MAGI2: variants seen among roughly 807,000 people sequenced by gnomAD.
MAGI2 encodes membrane-associated guanylate kinase, WW and PDZ domain-containing protein 2.
A neutral mutation model predicts 133.3 loss-of-function variants in MAGI2; 35 were observed. That is an observed-to-expected ratio of 0.26 (90% CI 0.20 to 0.35). The LOEUF (loss-of-function observed/expected upper bound fraction) is 0.35, where lower values mean the gene tolerates loss of function less well. Among genes scored for constraint, MAGI2 ranks in the 10% least tolerant of loss-of-function variants. The pLI is 1.00. For missense variants in MAGI2, 1,636 were observed against 1,863.4 expected (o/e 0.88, Z 2.25); for synonymous variants, 729 against 710.6 (o/e 1.03, Z -0.41).
At chr7:78,703,503 C>T (rs1218924072) in intron 2 of MAGI2, among the ~76,000 whole-genome samples, 2 of 152,002 alleles carry the variant, frequency 1.3e-5, no homozygotes, top group South Asian at 4.1e-4. Flanking sequence ...TGAATGGATA[C>T]AGATACAGTT....
chr7:79,051,380 G>A (rs1314893795), intron 1 of MAGI2, among the ~76,000 whole-genome samples: 1 of 152,078 alleles, frequency 6.6e-6, no homozygotes, highest in Non-Finnish European at 1.5e-5. Flanking sequence ...ATGTGCTCCT[G>A]GTGGCCTTTG....
intron 6 of MAGI2, among the ~76,000 whole-genome samples, chr7:78,391,415 G>C (rs35094689): frequency 0.13 from 20,501 of 152,138 alleles, 1,718 homozygotes; most frequent in South Asian, 0.22. Flanking sequence ...AGGAAATATG[G>C]ATATATTTGG....
intron 2 of MAGI2, among the ~76,000 whole-genome samples, chr7:78,636,579 G>C (rs1187011258): frequency 6.6e-6 from 1 of 151,872 alleles, no homozygotes; most frequent in African/African-American, 2.4e-5. Context: ...TGGGCGGATC[G>C]AGAGGTCAGG....
chr7:78,804,279 C>T (rs1464168541), intron 2 of MAGI2, among the ~76,000 whole-genome samples: 1 of 151,994 alleles, frequency 6.6e-6, no homozygotes, highest in East Asian at 1.9e-4. Flanking sequence ...GACAAGCTAC[C>T]GTCTTGCAAT....
chr7:78,341,879 C>T (rs1163022495), intron 9 of MAGI2, among the ~76,000 whole-genome samples: 5 of 152,166 alleles, frequency 3.3e-5, no homozygotes, highest in East Asian at 1.9e-4. Context: ...CCAGGCAATA[C>T]CATTCAGGAC....
chr7:78,374,825 T>G lies in MAGI2; in HGVS notation c.1046-5612A>C, dbSNP rs112953177. On this transcript the variant is annotated intron_variant, in intron 6 of 21. Coordinates refer to ENST00000354212, the MANE Select transcript of MAGI2 (RefSeq NM_012301.4). The stretch of plus-strand genomic sequence containing the variant: ...AGAATGTAGGATTTTTGCACTTATA[T>G]TCTTCTTTTACATTGTGTTGATTTT... Among the ~76,000 whole-genome samples, 111 of 152,008 alleles carry G rather than the reference T, an allele frequency of 7.3e-4. 1 individual carries two copies. Among genetic ancestry groups the G allele is most frequent in the African/African-American group, 2.5e-3 (102 of 41,466 alleles).
At chr7:78,351,405 C>A (rs1791496642) in intron 7 of MAGI2, among the ~76,000 whole-genome samples, 1 of 151,798 alleles carries the variant, frequency 6.6e-6, no homozygotes, top group Non-Finnish European at 1.5e-5. Flanking sequence ...GCTTGGGTTA[C>A]AACAGAAAAG....
intron 1 of MAGI2, among the ~76,000 whole-genome samples, chr7:79,342,511 T>G (rs1840977404): frequency 6.6e-6 from 1 of 152,216 alleles, no homozygotes; most frequent in African/African-American, 2.4e-5. Context: ...ATTTAGATGC[T>G]TTTTTATTAT....
At chr7:78,546,411 T>C (rs558578577) in intron 3 of MAGI2, among the ~76,000 whole-genome samples, 163 of 152,158 alleles carry the variant, frequency 1.1e-3, no homozygotes, top group African/African-American at 3.7e-3. Flanking sequence ...TCTTACATGG[T>C]TCACCAGGTA....
intron 2 of MAGI2, among the ~76,000 whole-genome samples, chr7:78,820,844 T>C (rs1450714553): frequency 2.0e-5 from 3 of 152,006 alleles, no homozygotes; most frequent in African/African-American, 7.2e-5. Flanking sequence ...ATTTATTTTA[T>C]ACTTAGGCTA....
At chr7:79,271,251 T>C (rs1203615967) in intron 1 of MAGI2, among the ~76,000 whole-genome samples, 1 of 152,170 alleles carries the variant, frequency 6.6e-6, no homozygotes. Flanking sequence ...TAGCATTCTG[T>C]GCCATCACAT....
intron 21 of MAGI2, among the ~76,000 whole-genome samples, chr7:78,059,383 G>A (rs1812984747): frequency 6.6e-6 from 1 of 152,180 alleles, no homozygotes; most frequent in Non-Finnish European, 1.5e-5. Flanking sequence ...AGAACTTTCT[G>A]TGCCTTCTCA....
In MAGI2 at chr7:78,407,812, G is replaced by C. The variant is rs563723802; in HGVS notation, c.1046-38599C>G. On this transcript the variant is annotated intron_variant, in intron 6 of 21. Coordinates refer to ENST00000354212, the MANE Select transcript of MAGI2 (RefSeq NM_012301.4). Reference sequence around the variant, plus strand: ...TCAGGTCAGGGTGTCTCTTACTGAGGTGCCTTTATGTTAATTCTAATCACA... The same window carrying C: ...TCAGGTCAGGGTGTCTCTTACTGAGCTGCCTTTATGTTAATTCTAATCACA... 1.2e-4 allele frequency among the ~76,000 whole-genome samples: 18 copies of C among 151,898 alleles called. No homozygotes were observed. In the East Asian group the frequency reaches 3.5e-3, roughly 29 times the overall value.
chr7:78,822,346 C>T (rs1176929970), intron 2 of MAGI2, among the ~76,000 whole-genome samples: 1 of 151,982 alleles, frequency 6.6e-6, no homozygotes, highest in African/African-American at 2.4e-5. Flanking sequence ...ATTTTGTTAA[C>T]TTTTATGGGA....
chr7:79,260,916 G>A (rs1834041875), intron 1 of MAGI2, among the ~76,000 whole-genome samples: 1 of 152,092 alleles, frequency 6.6e-6, no homozygotes, highest in South Asian at 2.1e-4. Context: ...TAACTGAATG[G>A]GGGTGTTCAC....
chr7:78,472,324 C>G (rs1190301643), intron 6 of MAGI2, among the ~76,000 whole-genome samples: 2 of 152,030 alleles, frequency 1.3e-5, no homozygotes, highest in African/African-American at 2.4e-5. Flanking sequence ...ATATACCATA[C>G]ACAAAAGGAA....
intron 3 of MAGI2, among the ~76,000 whole-genome samples, chr7:78,557,064 C>G (rs1450849729): frequency 1.9e-5 from 2 of 103,256 alleles, no homozygotes; most frequent in African/African-American, 1.0e-4. Flanking sequence ...ATACTCCAGC[C>G]TGGGTGGCAG....
intron 2 of MAGI2, among the ~76,000 whole-genome samples, chr7:78,805,189 G>C (rs1583963731): frequency 6.6e-6 from 1 of 150,448 alleles, no homozygotes; most frequent in Non-Finnish European, 1.5e-5. Context: ...TCAAAGTTTT[G>C]ACAATAGATA....
At chr7:78,201,396 A>C (rs539277312) in intron 10 of MAGI2, among the ~76,000 whole-genome samples, 1 of 152,336 alleles carries the variant, frequency 6.6e-6, no homozygotes, top group Non-Finnish European at 1.5e-5. Context: ...TTCTAAGAAC[A>C]TTCCTTATTT....
Sources: gnomAD v4.1 joint callset for allele counts (sites outside exome capture counted in the v4.1 genomes callset) on GRCh38, gnomAD v4.1.1 for gene constraint, MANE v1.5 for transcripts, NCBI Gene and HGNC (gene_info 2026-07-23, HGNC 2026-07-21) for gene names.